LCA5L: variants seen among roughly 807,000 people sequenced by gnomAD.
LCA5L encodes the protein lebercilin LCA5 like.
In LCA5L, 35 loss-of-function variants were observed where a neutral mutation model predicts 45.4. The observed-to-expected ratio is 0.77, with a 90% confidence interval of 0.59 to 1.02. The LOEUF is 1.02. LCA5L is among the 50% of genes least tolerant of loss of function. The pLI, the probability that LCA5L is intolerant of heterozygous loss-of-function variation, is 0.00. For missense variants in LCA5L, 668 were observed against 761.6 expected (o/e 0.88, Z 1.45); for synonymous variants, 233 against 264.7 (o/e 0.88, Z 1.16).
intron 7 of LCA5L, among the ~76,000 whole-genome samples, chr21:39,417,952 G>C (rs1452345276): frequency 2.0e-5 from 3 of 152,108 alleles, no homozygotes; most frequent in Non-Finnish European, 4.4e-5. Flanking sequence ...TTTTTTAGTA[G>C]AGATGGGGTT....
intron 3 of LCA5L, among the ~76,000 whole-genome samples, chr21:39,432,831 A>T (rs1373693110): frequency 6.6e-6 from 1 of 152,138 alleles, no homozygotes; most frequent in Non-Finnish European, 1.5e-5. Context: ...CCATGTTACT[A>T]TGTGCATCAA....
chr21:39,428,207 T>G lies in LCA5L; in HGVS notation c.287A>C (p.Lys96Thr), dbSNP rs199978543. Residue 96 changes from lysine (K) to threonine (T), a missense_variant, in exon 5 of 11, where the codon AAA (lysine) becomes ACA (threonine). Transcript: ENST00000288350. ...KQPVVKEKEK[K>T]KYNVSKISQS... is the part of the protein sequence containing the mutation. ...GGAGATTTTAGAAACATTATACTTT[T>G]TCTTCTCCTTTTCTTTTACCACAGG... The G allele has an allele frequency of 4.4e-6, 7 of 1,598,778 alleles. No homozygotes were observed. Among genetic ancestry groups the G allele is most frequent in the Non-Finnish European group, 6.0e-6 (7 of 1,170,912 alleles).
rs8133460 is a variant in LCA5L at position 39,417,828 on chromosome 21, T to G, written c.975+2878A>C. Among the ~76,000 whole-genome samples the G allele has an allele frequency of 3.9e-5, 6 of 151,902 alleles. No homozygotes were observed. The East Asian group carries it at 5.8e-4, about 15-fold the overall frequency. The stretch of plus-strand genomic sequence containing the variant: ...TCGCCCAGGCTGGAGTGCGGTGGCG[T>G]GATCTCCGCTCACTGCAAGCTCCGC... On this transcript the variant is annotated intron_variant, in intron 7 of 10. Transcript: ENST00000288350.
At chr21:39,424,089 T>C (rs993913081) in intron 5 of LCA5L, among the ~76,000 whole-genome samples, 11 of 152,156 alleles carry the variant, frequency 7.2e-5, no homozygotes, top group Non-Finnish European at 1.6e-4. Context: ...CTTGGCTCAC[T>C]GCAACCTCTG....
chr21:39,437,011 T>C (rs1156265605), intron 2 of LCA5L, among the ~76,000 whole-genome samples: 4 of 152,204 alleles, frequency 2.6e-5, no homozygotes, highest in Non-Finnish European at 5.9e-5. Context: ...GCATTCTGGC[T>C]CCTTTGTCTA....
rs192279222 is a variant in LCA5L, at chr21:39,435,767, C to G, written c.-245-194G>C. ...TCTCCTGCCTCAGCCTCCTGAGTAG[C>G]TGGGATTACAGGCGCCCGCCACCAT... On this transcript the variant is annotated intron_variant, in intron 2 of 10. Coordinates refer to ENST00000288350, the MANE Select transcript of LCA5L (RefSeq NM_152505.4). 2.1e-4 allele frequency among the ~76,000 whole-genome samples: 32 copies of G among 152,260 alleles called. 2 individuals are homozygous for G. In the East Asian group the frequency reaches 6.2e-3, roughly 29 times the overall value.
intron 7 of LCA5L, among the ~76,000 whole-genome samples, chr21:39,416,479 C>T (rs1290018352): frequency 2.0e-5 from 3 of 152,152 alleles, no homozygotes; most frequent in Non-Finnish European, 4.4e-5. Context: ...GTATTTCCTG[C>T]ACCAGACCTA....
chr21:39,423,388 C>T lies in LCA5L; in HGVS notation c.425G>A (p.Arg142Gln), dbSNP rs141252242. The T allele has an allele frequency of 1.4e-5, 22 of 1,611,220 alleles. No homozygotes were observed. The East Asian group carries it at 2.0e-4, about 15-fold the overall frequency. Residue 142 changes from arginine to glutamine, a missense_variant, in exon 6 of 11, where the codon CGA becomes CAA. By Grantham distance (43) the Arg-to-Gln change is conservative. Transcript: ENST00000288350. ...IAQRRDAMAH[R>Q]ILSARLHKIK... ...TTTATGAAGCCTTGCTGAGAGTATT[C>T]GATGAGCCATAGCATCTCTTCTTTG...
At chr21:39,440,546 A>C (rs534957176) in intron 2 of LCA5L, among the ~76,000 whole-genome samples, 2 of 152,254 alleles carry the variant, frequency 1.3e-5, no homozygotes, top group East Asian at 3.9e-4. Flanking sequence ...AAAAAAAAAC[A>C]AAACAAAATG....
chr21:39,407,150 C>A (rs918225548), intron 10 of LCA5L, among the ~76,000 whole-genome samples: 9 of 152,120 alleles, frequency 5.9e-5, no homozygotes, highest in Non-Finnish European at 1.2e-4. Flanking sequence ...TCACTTGAGC[C>A]CAGGAGGACA....
In LCA5L at chr21:39,409,648, A is replaced by T. The variant is rs1357045137; in HGVS notation, c.1282+331T>A. Among the ~76,000 whole-genome samples the T allele has an allele frequency of 6.6e-6, 1 of 152,048 alleles. No homozygotes were observed. The highest frequency in any genetic ancestry group is 1.5e-5 in the Non-Finnish European group (1 of 68,012). On this transcript the variant is annotated intron_variant, in intron 10 of 10. Transcript: ENST00000288350. This position sits in a 1 kb window ranked among gnomAD's most constrained non-coding sequence, Gnocchi z 4.2. ...CACTCTGTCACCCAGGTTGGAGTGC[A>T]GTGGCACGATCTTGGCTCACTGCAA...
chr21:39,412,837 C>CA (rs1341579055), intron 7 of LCA5L, among the ~76,000 whole-genome samples: 1 of 152,170 alleles, frequency 6.6e-6, no homozygotes, highest in Non-Finnish European at 1.5e-5. Flanking sequence ...TGGTATTGCC[C>CA]AAGTGTAAGT....
At chr21:39,437,183 G>C (rs1218886938) in intron 2 of LCA5L, among the ~76,000 whole-genome samples, 1 of 152,154 alleles carries the variant, frequency 6.6e-6, no homozygotes, top group East Asian at 1.9e-4. Flanking sequence ...AATCTGAAAA[G>C]CTCCAAATGA....
Position 39,428,425 on chromosome 21 carries a change from ATTG to A in LCA5L, c.66_68del (p.Asn23del). 1.2e-6 allele frequency: 2 copies of A among 1,612,462 alleles called. No individual in the cohort carries two copies. The highest frequency in any genetic ancestry group is 1.7e-6 in the Non-Finnish European group (2 of 1,179,528). ...TTCTCTTGCATGCTGCAGACCTCCT[ATTG>A]TTTTCTAATGCCACGCCGAAGAAAT... On this transcript the variant is annotated inframe_deletion, in exon 5 of 11. Transcript: ENST00000288350.
In LCA5L at chr21:39,405,823, A is replaced by G; in HGVS notation, c.*59T>C. 1 of 1,277,910 alleles carries G rather than the reference A, an allele frequency of 7.8e-7. No homozygotes were observed. The highest frequency in any genetic ancestry group is 1.1e-6 in the Non-Finnish European group (1 of 947,828). 79.2% of individuals were successfully genotyped at this position (1,277,910 alleles called of 1,614,324 possible). A position where few individuals can be genotyped will look rare whatever the true frequency, so the allele number is the denominator to read the frequency against. On this transcript the variant is annotated 3_prime_UTR_variant, in exon 11 of 11. Transcript: ENST00000288350. ...CTCTCTCACACATTTCAAAAATAAGATGCAAGGCACATAAGCAGCATTATA... is the reference window on the plus strand; with the variant it reads ...CTCTCTCACACATTTCAAAAATAAGGTGCAAGGCACATAAGCAGCATTATA...
chr21:39,406,004 A>C lies in LCA5L; in HGVS notation c.1891T>G (p.Ser631Ala). Residue 631 changes from serine (S) to alanine (A), a missense_variant, in exon 11 of 11, where the codon TCG becomes GCG. Coordinates refer to ENST00000288350, the MANE Select transcript of LCA5L (RefSeq NM_152505.4). Reference protein sequence around the residue: ...GSEEPLQSKESHPLPPSQAST... With the variant: ...GSEEPLQSKEAHPLPPSQAST... ...GCCTGACTGGGAGGCAGGGGATGCG[A>C]CTCCTTACTTTGCAAAGGCTCCTCT... The C allele has an allele frequency of 6.2e-7, 1 of 1,613,894 alleles. No individual in the cohort carries two copies. Among genetic ancestry groups the C allele is most frequent in the Non-Finnish European group, 8.5e-7 (1 of 1,179,976 alleles).
chr21:39,410,259 T>C lies in LCA5L; in HGVS notation c.1164+5A>G, dbSNP rs1267042016. 2 of 1,570,804 alleles carry C rather than the reference T, an allele frequency of 1.3e-6. 1 individual carries two copies. The highest frequency in any genetic ancestry group is 3.5e-5 in the Admixed American group (2 of 57,260). ...AGACACTGCAAGATTCCAAATTTGC[T>C]GTACCTTAGTTGTCAAAGGTGGAAC... On this transcript the variant is annotated splice_donor_5th_base_variant and intron_variant, in intron 9 of 10. Transcript: ENST00000288350.
In LCA5L at chr21:39,428,312, A is replaced by G. The variant is rs201559621; in HGVS notation, c.182T>C (p.Leu61Ser). Reference protein sequence around the residue: ...YSRSQCSCGSLSSQYDYSEDF... With the variant: ...YSRSQCSCGSSSSQYDYSEDF... ...TTCTGAATAATCATACTGAGAACTT[A>G]AACTTCCACAGGAGCACTGAGATCT... Residue 61 changes from leucine to serine, a missense_variant, in exon 5 of 11, where the codon TTA becomes TCA. By Grantham distance (145) the Leu-to-Ser change is moderately radical. Transcript: ENST00000288350. The G allele has an allele frequency of 7.4e-6, 12 of 1,613,374 alleles. No individual in the cohort carries two copies. The highest frequency in any genetic ancestry group is 1.7e-5 in the Admixed American group (1 of 59,946).
Position 39,406,177 on chromosome 21 carries a change from C to T in LCA5L, c.1718G>A (p.Gly573Glu). Residue 573 changes from glycine to glutamate, a missense_variant, in exon 11 of 11, where the codon GGG becomes GAG. By Grantham distance (98) the Gly-to-Glu change is moderately conservative. Coordinates refer to ENST00000288350, the MANE Select transcript of LCA5L (RefSeq NM_152505.4). ...AGACTTACCAAATGAGGGCTCATAC[C>T]CACTGTCAGAATGCTCTAGCTCCAT... ...EEMELEHSDS[G>E]YEPSFGKSSR... is the part of the protein sequence containing the mutation. 14 of 1,614,210 alleles carry T rather than the reference C, an allele frequency of 8.7e-6. No individual in the cohort carries two copies. The highest frequency in any genetic ancestry group is 1.1e-5 in the Non-Finnish European group (13 of 1,180,040).
Sources: gnomAD v4.1 joint callset for allele counts (sites outside exome capture counted in the v4.1 genomes callset) on GRCh38, gnomAD v4.1.1 for gene constraint, Gnocchi (gnomAD v3.1) non-coding constraint, MANE v1.5 for transcripts, NCBI Gene and HGNC (gene_info 2026-07-23, HGNC 2026-07-21) for gene names.